The following GLRA2 variants were observed in gnomAD, a reference collection of about 807,000 sequenced individuals.
GLRA2 encodes glycine receptor alpha 2.
A neutral mutation model predicts 31.6 loss-of-function variants in GLRA2; 11 were observed. The ratio of observed to expected loss-of-function variants is 0.35; its 90% CI spans 0.22 to 0.58. The LOEUF is 0.58. GLRA2 is among the 20% of genes least tolerant of loss of function. The pLI, the probability that GLRA2 is intolerant of heterozygous loss-of-function variation, is 0.84. For missense variants in GLRA2, 212 were observed against 351.8 expected (o/e 0.60, Z 3.18); for synonymous variants, 132 against 134.0 (o/e 0.99, Z 0.10).
chrX:14,664,697 A>G (rs2091022306), intron 7 of GLRA2, among the ~76,000 whole-genome samples: 1 of 112,425 alleles, frequency 8.9e-6, no homozygotes, highest in Admixed American at 9.5e-5. Context: ...AAGGTCCTTG[A>G]AAACAGGACC....
intron 7 of GLRA2, among the ~76,000 whole-genome samples, chrX:14,663,147 A>C (rs2091007835): frequency 9.0e-6 from 1 of 111,381 alleles, no homozygotes; most frequent in Admixed American, 9.6e-5. Context: ...TACCTTGAGT[A>C]CAATGTTGCA....
At chrX:14,526,518 G>T (rs745750553), upstream of GLRA2, among the ~76,000 whole-genome samples, 1 of 111,683 alleles carries the variant, frequency 9.0e-6, no homozygotes, top group Non-Finnish European at 1.9e-5. Flanking sequence ...ATCTCAACTG[G>T]GGTCATGGAG....
rs184512992 is a variant in GLRA2, at chrX:14,633,999, A to G, written c.930+24794A>G. ...AGTCTCACTCTGTCGCCCAGGCTGG[A>G]GTGCAATAGTACGATCTTGGCTCAC... On this transcript the variant is annotated intron_variant, in intron 7 of 8. Coordinates refer to ENST00000218075, the MANE Select transcript of GLRA2 (RefSeq NM_002063.4). Among the ~76,000 whole-genome samples, 19 of 111,240 alleles carry G rather than the reference A, an allele frequency of 1.7e-4. No homozygotes were observed. In the East Asian group the frequency reaches 3.7e-3, roughly 22 times the overall value.
the GLRA2 span, among the ~76,000 whole-genome samples, chrX:14,455,858 T>G: frequency 8.9e-6 from 1 of 112,039 alleles, no homozygotes; most frequent in Non-Finnish European, 1.9e-5. Flanking sequence ...ACCATGTATA[T>G]TCCTTTAAAA....
chrX:14,578,187 T>C (rs1010411269), intron 3 of GLRA2, among the ~76,000 whole-genome samples: 21 of 112,081 alleles, frequency 1.9e-4, no homozygotes, highest in African/African-American at 6.5e-4. Context: ...TTGGGGTATT[T>C]GTTCCCAGAT....
intron 5 of GLRA2, among the ~76,000 whole-genome samples, chrX:14,605,874 G>C (rs1223375251): frequency 1.8e-5 from 2 of 111,215 alleles, no homozygotes; most frequent in African/African-American, 3.3e-5. Flanking sequence ...ACAAGAACGT[G>C]GGGTATTTTG....
chrX:14,473,996 T>C, the GLRA2 span, among the ~76,000 whole-genome samples: 16 of 111,376 alleles, frequency 1.4e-4, no homozygotes, highest in African/African-American at 5.2e-4. Flanking sequence ...GGATCCAGAT[T>C]GATAATGAGA....
intron 4 of GLRA2, among the ~76,000 whole-genome samples, chrX:14,593,290 A>G (rs2090164474): frequency 8.9e-6 from 1 of 112,300 alleles, no homozygotes; most frequent in Non-Finnish European, 1.9e-5. Flanking sequence ...ATTACAAACC[A>G]ACATCTGTAT....
intron 7 of GLRA2, among the ~76,000 whole-genome samples, chrX:14,688,784 G>T (rs890329935): frequency 4.5e-5 from 5 of 110,110 alleles, no homozygotes; most frequent in Non-Finnish European, 7.6e-5. Flanking sequence ...TCCGGCTCAC[G>T]CTCGGTGGGC....
chrX:14,686,703 G>T (rs952260412), intron 7 of GLRA2, among the ~76,000 whole-genome samples: 1 of 111,350 alleles, frequency 9.0e-6, no homozygotes, highest in Non-Finnish European at 1.9e-5. Flanking sequence ...TTGAGCCTAT[G>T]TGTGTCTCTG....
the GLRA2 span, among the ~76,000 whole-genome samples, chrX:14,451,028 C>A: frequency 1.8e-5 from 2 of 111,433 alleles, no homozygotes; most frequent in East Asian, 5.6e-4. Context: ...AAAAAAAATT[C>A]CAACCAAAAA....
rs1021712934 is a variant in GLRA2, at chrX:14,671,918, A to G, written c.931-18792A>G. 2.7e-5 allele frequency among the ~76,000 whole-genome samples: 3 copies of G among 112,449 alleles called. 1 individual carries two copies. The highest frequency in any genetic ancestry group is 5.6e-5 in the Non-Finnish European group (3 of 53,313). ...TGAAAGTGCTAAGAATGCAGAGTAG[A>G]GGGCCTGAAGGCTGTTACTGGGACT... On this transcript the variant is annotated intron_variant, in intron 7 of 8. Transcript: ENST00000218075.
chrX:14,544,462 G>A (rs1354543301), intron 2 of GLRA2, among the ~76,000 whole-genome samples: 3 of 111,394 alleles, frequency 2.7e-5, no homozygotes, highest in Non-Finnish European at 3.8e-5. Flanking sequence ...TCTTGTAGTT[G>A]TGCAATTTCC....
intron 7 of GLRA2, among the ~76,000 whole-genome samples, chrX:14,686,728 C>T (rs964036903): frequency 3.6e-5 from 4 of 111,371 alleles, no homozygotes; most frequent in African/African-American, 1.3e-4. Context: ...TGAGATGGGT[C>T]TCCTGAATAC....
At chrX:14,555,992 C>G (rs996447745) in intron 2 of GLRA2, among the ~76,000 whole-genome samples, 1 of 111,368 alleles carries the variant, frequency 9.0e-6, no homozygotes, top group African/African-American at 3.3e-5. Context: ...ATATAAAAGT[C>G]GACCATAATA....
the GLRA2 span, among the ~76,000 whole-genome samples, chrX:14,499,369 AT>A: frequency 2.2e-4 from 24 of 110,653 alleles, 1 homozygote; most frequent in African/African-American, 6.9e-4. Context: ...GATGTTGAGC[AT>A]TTTTTTCATA....
chrX:14,716,885 A>G (rs2147246272), intron 8 of GLRA2, among the ~76,000 whole-genome samples: 1 of 111,783 alleles, frequency 8.9e-6, no homozygotes, highest in East Asian at 2.8e-4. Context: ...TGATTTGCAC[A>G]TCGCCTTGTA....
chrX:14,555,983 T>C (rs1251468549), intron 2 of GLRA2, among the ~76,000 whole-genome samples: 1 of 111,693 alleles, frequency 9.0e-6, no homozygotes, highest in Non-Finnish European at 1.9e-5. Context: ...ATTAGACACA[T>C]ATAAAAGTCG....
rs138291829 is a variant in GLRA2, at chrX:14,598,546, T to C, written c.495-5769T>C. 3.3e-3 allele frequency among the ~76,000 whole-genome samples: 368 copies of C among 112,529 alleles called. 2 individuals are homozygous for C. The highest frequency in any genetic ancestry group is 0.011 in the African/African-American group (339 of 31,010). ...AGGTTCCAGGACAAGTCAGCCAGGCTTCCTGGCATTCCTTTAACTTGATTT... is the reference window on the plus strand; with the variant it reads ...AGGTTCCAGGACAAGTCAGCCAGGCCTCCTGGCATTCCTTTAACTTGATTT... On this transcript the variant is annotated intron_variant, in intron 4 of 8. Coordinates refer to ENST00000218075, the MANE Select transcript of GLRA2 (RefSeq NM_002063.4).
Sources: gnomAD v4.1 joint callset for allele counts (sites outside exome capture counted in the v4.1 genomes callset) on GRCh38, gnomAD v4.1.1 for gene constraint, MANE v1.5 for transcripts, NCBI Gene and HGNC (gene_info 2026-07-23, HGNC 2026-07-21) for gene names.